Variants in ERBIN observed in about 807,000 individuals in gnomAD.
ERBIN encodes the protein erbb2 interacting protein.
A neutral mutation model predicts 158.4 loss-of-function variants in ERBIN; 60 were observed. The observed-to-expected ratio is 0.38, with a 90% confidence interval of 0.31 to 0.47. The LOEUF is 0.47. Ranked by LOEUF, ERBIN falls within the 20% of genes least tolerant of loss-of-function variation. ERBIN has a pLI of 0.99. For missense variants in ERBIN, 1,610 were observed against 1,648.0 expected, an observed-to-expected ratio of 0.98 and a Z score of 0.40; for synonymous variants, 594 against 557.2, an observed-to-expected ratio of 1.07 and a Z score of -0.93.
intron 21 of ERBIN, among the ~76,000 whole-genome samples, chr5:66,071,438 T>G (rs56848614): frequency 0.021 from 3,244 of 152,270 alleles, 119 homozygotes; most frequent in African/African-American, 0.072. Context: ...CCTAAAGCTA[T>G]CAGCTTGGTA....
chr5:66,009,366 TGA>T (rs1753960398), intron 4 of ERBIN, among the ~76,000 whole-genome samples: 1 of 152,170 alleles, frequency 6.6e-6, no homozygotes, highest in Non-Finnish European at 1.5e-5. Context: ...TGTAAATGAA[TGA>T]GAGAAAAGAA....
intron 1 of ERBIN, among the ~76,000 whole-genome samples, chr5:65,982,791 G>A (rs147588751): frequency 1.3e-5 from 2 of 152,272 alleles, no homozygotes; most frequent in East Asian, 1.9e-4. Context: ...ATTACTTATA[G>A]ACTATGACTC....
intron 4 of ERBIN, 128 bp downstream of exon 4, chr5:65,994,992 T>C: frequency 3.2e-6 from 2 of 618,494 alleles, no homozygotes; most frequent in South Asian, 4.1e-5. Context: ...GAACTTCATC[T>C]AAGAATGTTT....
In ERBIN at chr5:66,048,729, T is replaced by C; in HGVS notation, c.1851T>C (p.Ile617=). 6.2e-7 allele frequency: 1 copy of C among 1,608,956 alleles called. No homozygotes were observed. The highest frequency in any genetic ancestry group is 2.2e-5 in the East Asian group (1 of 44,508). Residue 617 remains isoleucine (I), a synonymous_variant, in exon 19 of 26, where the codon ATT becomes ATC. Coordinates refer to ENST00000284037, the MANE Select transcript of ERBIN (RefSeq NM_001253697.2). ...TGGCGGAGATGCGACCACCATTAAT[T>C]GAAACCTCTATTAACCAGCCAAAAG... The part of the protein sequence containing the change: ...MKMAEMRPPL[I]ETSINQPKVV...
chr5:65,990,533 G>C (rs1050225087), intron 2 of ERBIN, among the ~76,000 whole-genome samples: 62 of 147,822 alleles, frequency 4.2e-4, no homozygotes, highest in Non-Finnish European at 8.2e-4. Context: ...AGCTGGGCAT[G>C]GTGGCGGGCA....
At chr5:66,066,361 C>A (rs1760992090) in intron 21 of ERBIN, among the ~76,000 whole-genome samples, 1 of 151,778 alleles carries the variant, frequency 6.6e-6, no homozygotes, top group Non-Finnish European at 1.5e-5. Flanking sequence ...AAAATTTTAC[C>A]CTGGGGGCTT....
At chr5:66,013,475 G>A in intron 5 of ERBIN, 74 bp from the exon 6 acceptor site, 2 of 1,047,040 alleles carry the variant, frequency 1.9e-6, no homozygotes, top group Admixed American at 3.7e-5. Context: ...AAAATATCTT[G>A]TGAGAGTCTT....
chr5:66,026,577 C>G (rs1165186797), intron 13 of ERBIN, among the ~76,000 whole-genome samples, 160 bp downstream of exon 13: 2 of 151,826 alleles, frequency 1.3e-5, no homozygotes, highest in African/African-American at 2.4e-5. Context: ...GTGTGACTTT[C>G]AGTGAAACAA....
intron 14 of ERBIN, among the ~76,000 whole-genome samples, chr5:66,037,250 T>C (rs1757486979): frequency 6.6e-6 from 1 of 152,082 alleles, no homozygotes. Context: ...CAGGAATAGA[T>C]GAATACCACC....
rs1762351624 is a variant in ERBIN at position 66,080,776 on chromosome 5, A to G, written c.*2246A>G. ...ACCTTAACTTCATTGTCTGCACATTACATTGAAGTATTATAAATGCAACAG... is the reference window on the plus strand; with the variant it reads ...ACCTTAACTTCATTGTCTGCACATTGCATTGAAGTATTATAAATGCAACAG... On this transcript the variant is annotated 3_prime_UTR_variant, in exon 26 of 26. Transcript: ENST00000284037. 1 of 152,062 alleles carries G rather than the reference A, an allele frequency of 6.6e-6. No individual in the cohort carries two copies. Among genetic ancestry groups the G allele is most frequent in the Non-Finnish European group, 1.5e-5 (1 of 67,900 alleles). The allele number at this position is 152,062 out of a possible 1,614,324, so 9.4% of individuals were successfully genotyped here.
At chr5:65,994,905 A>G (rs1561347509) in intron 4 of ERBIN, 41 bp downstream of exon 4, 4 of 1,124,972 alleles carry the variant, frequency 3.6e-6, no homozygotes, top group Admixed American at 2.1e-5. Flanking sequence ...ACTTGGGAAC[A>G]TGTTTCATTA....
rs1002035165 is a variant in ERBIN at position 65,969,770 on chromosome 5, T to C, written c.-57-18865T>C. ...TGCTCCCCCAGGGAGCAAAAACAAATAAAAACCACATATAAACATAGCTTT... is the reference window on the plus strand; with the variant it reads ...TGCTCCCCCAGGGAGCAAAAACAAACAAAAACCACATATAAACATAGCTTT... On this transcript the variant is annotated intron_variant, in intron 1 of 25. Coordinates refer to ENST00000284037, the MANE Select transcript of ERBIN (RefSeq NM_001253697.2). 3.3e-5 allele frequency among the ~76,000 whole-genome samples: 5 copies of C among 152,240 alleles called. No homozygotes were observed. In the South Asian group the frequency reaches 6.2e-4, roughly 19 times the overall value.
chr5:65,961,789 G>A (rs764963750), intron 1 of ERBIN, among the ~76,000 whole-genome samples: 2 of 151,992 alleles, frequency 1.3e-5, no homozygotes, highest in Admixed American at 6.6e-5. Context: ...TGAATTTTAG[G>A]TATCTTTGGT....
At position 66,038,530 on chromosome 5, in the gene ERBIN, A is replaced by T. The variant is rs558274927; in HGVS notation, c.1306+48A>T. ...TCTTGTTAAAAACAAATACTAATTT[A>T]AAAGGTGTGAAGTGAACTTTAAGTC... On this transcript the variant is annotated intron_variant, in intron 15 of 25. Transcript: ENST00000284037. 88 of 1,396,150 alleles carry T rather than the reference A, an allele frequency of 6.3e-5. 2 individuals are homozygous for T. In the South Asian group the frequency reaches 8.5e-4, roughly 14 times the overall value. 86.5% of individuals were successfully genotyped at this position (1,396,150 alleles called of 1,614,324 possible).
intron 1 of ERBIN, among the ~76,000 whole-genome samples, chr5:65,939,192 A>T (rs975144916): frequency 1.3e-5 from 2 of 152,152 alleles, no homozygotes; most frequent in African/African-American, 2.4e-5. Context: ...TAATCCCAGC[A>T]CTTTGGGAGG....
intron 1 of ERBIN, among the ~76,000 whole-genome samples, chr5:65,948,202 C>T (rs1046888759): frequency 1.3e-5 from 2 of 151,536 alleles, no homozygotes; most frequent in Non-Finnish European, 2.9e-5. Flanking sequence ...TGCTCTGTGT[C>T]CCAGGATGTT....
chr5:65,934,433 T>C (rs1029547269), intron 1 of ERBIN, among the ~76,000 whole-genome samples: 13 of 152,212 alleles, frequency 8.5e-5, no homozygotes, highest in Admixed American at 5.9e-4. Context: ...CTCTTTTTTT[T>C]CAAGGCCTTG....
chr5:65,998,400 GT>G (rs1752674436), intron 4 of ERBIN, among the ~76,000 whole-genome samples: 1 of 151,666 alleles, frequency 6.6e-6, no homozygotes, highest in African/African-American at 2.4e-5. Flanking sequence ...TAAGGTGAAG[GT>G]TTTAGTGGTT....
At chr5:66,058,104 C>T (rs538622629) in intron 21 of ERBIN, among the ~76,000 whole-genome samples, 49 of 152,106 alleles carry the variant, frequency 3.2e-4, no homozygotes, top group African/African-American at 9.6e-4. Flanking sequence ...CCTGAGGAAT[C>T]GCCACACTGA....
Sources: allele counts gnomAD v4.1 joint callset (sites outside exome capture counted in the v4.1 genomes callset), GRCh38; gene constraint gnomAD v4.1.1; transcripts MANE v1.5; gene names NCBI Gene and HGNC (gene_info 2026-07-23, HGNC 2026-07-21).